The following EMSY variants were observed in gnomAD, a reference collection of about 807,000 sequenced individuals.
The protein encoded by EMSY is BRCA2-interacting transcriptional repressor EMSY.
Under a neutral mutation model 134.6 loss-of-function variants are expected in EMSY, and 26 were observed. The observed-to-expected ratio is 0.19, with a 90% CI of 0.14 to 0.27. The LOEUF (loss-of-function observed/expected upper bound fraction) is 0.27. Ranked by LOEUF, EMSY falls within the 10% of genes least tolerant of loss-of-function variation. EMSY has a pLI of 1.00. For synonymous variants in EMSY, 579 were observed against 577.8 expected (o/e 1.00, Z -0.03); for missense variants, 1,305 against 1,611.4 (o/e 0.81, Z 3.26).
At chr11:76,504,549 G>C (rs1950000162) in intron 9 of EMSY, among the ~76,000 whole-genome samples, 1 of 152,124 alleles carries the variant, frequency 6.6e-6, no homozygotes, top group Non-Finnish European at 1.5e-5. Context: ...CATGGATGTA[G>C]AGAAACAGGA....
intron 13 of EMSY, among the ~76,000 whole-genome samples, chr11:76,527,064 T>C (rs1424939887): frequency 6.6e-6 from 1 of 152,020 alleles, no homozygotes; most frequent in Non-Finnish European, 1.5e-5. Context: ...TAAGCTAGAG[T>C]TGTATTTATT....
intron 13 of EMSY, among the ~76,000 whole-genome samples, chr11:76,527,970 C>A (rs931750430): frequency 3.9e-5 from 6 of 151,970 alleles, no homozygotes; most frequent in Non-Finnish European, 8.8e-5. Context: ...TATCATTTTA[C>A]TATATAGTCT....
chr11:76,456,501 TATA>T (rs1213453036), intron 4 of EMSY, among the ~76,000 whole-genome samples: 3 of 152,208 alleles, frequency 2.0e-5, no homozygotes, highest in Non-Finnish European at 4.4e-5. Context: ...TTAGTGATAT[TATA>T]ATAAACTGAT....
At chr11:76,477,133 G>A (rs1291458965) in intron 8 of EMSY, among the ~76,000 whole-genome samples, 2 of 151,954 alleles carry the variant, frequency 1.3e-5, no homozygotes, top group East Asian at 3.9e-4. Flanking sequence ...GAACCAATAT[G>A]ATTATTGAAC....
chr11:76,482,575 A>AATCTTTC (rs1213852042), intron 8 of EMSY, among the ~76,000 whole-genome samples: 1 of 152,250 alleles, frequency 6.6e-6, no homozygotes, highest in Non-Finnish European at 1.5e-5. Context: ...TGGAGCTGAA[A>AATCTTTC]AACACAGCAC....
At chr11:76,466,116 C>G (rs995399649) in intron 7 of EMSY, among the ~76,000 whole-genome samples, 2 of 152,194 alleles carry the variant, frequency 1.3e-5, no homozygotes, top group African/African-American at 2.4e-5. Flanking sequence ...CCTGGCCCCC[C>G]AGATGTGCCT....
chr11:76,515,831 G>A (rs1463619574), intron 10 of EMSY, among the ~76,000 whole-genome samples: 3 of 152,144 alleles, frequency 2.0e-5, no homozygotes, highest in African/African-American at 7.2e-5. Flanking sequence ...GTTTCTTTTG[G>A]CATAAAACTA....
intron 9 of EMSY, 83 bp downstream of exon 10, chr11:76,496,552 G>A: frequency 2.7e-6 from 4 of 1,459,722 alleles, no homozygotes; most frequent in Non-Finnish European, 3.8e-6. Flanking sequence ...AACACGGTAT[G>A]TCTCTTCATT....
At chr11:76,546,016 C>T (rs147360415) in exon 20 of EMSY, 5 of 1,614,166 alleles carry the variant, frequency 3.1e-6, no homozygotes, top group Non-Finnish European at 4.2e-6. Context: ...AAATGTAGAA[C>T]ATATGATAGT....
At chr11:76,516,774 A>C (rs1950464238) in intron 11 of EMSY, 1 of 152,218 alleles carries the variant, frequency 6.6e-6, no homozygotes, top group South Asian at 2.1e-4. Context: ...GTTTTAGGGA[A>C]CATATCTCAT....
At chr11:76,544,551 A>G (rs1951570225) in exon 19 of EMSY, 1 of 1,614,022 alleles carries the variant, frequency 6.2e-7, no homozygotes, top group African/African-American at 1.3e-5. Context: ...TCCATCAGGC[A>G]TCAAAAACTC....
At chr11:76,445,563 G>T (rs1236545308) in intron 1 of EMSY, among the ~76,000 whole-genome samples, 2 of 152,074 alleles carry the variant, frequency 1.3e-5, no homozygotes, top group Non-Finnish European at 2.9e-5. Context: ...GGGAGTGCGT[G>T]TTTGGAGAGG....
chr11:76,470,941 A>G (rs994788630), intron 7 of EMSY, among the ~76,000 whole-genome samples: 1 of 152,108 alleles, frequency 6.6e-6, no homozygotes, highest in African/African-American at 2.4e-5. Context: ...TCACTAAATC[A>G]TCTACAGTTT....
intron 5 of EMSY, chr11:76,459,167 T>C (rs1167501325): frequency 1.3e-5 from 2 of 152,192 alleles, no homozygotes; most frequent in Non-Finnish European, 2.9e-5. Context: ...GTGGAAAGAA[T>C]ACAGAGTTTC....
intron 15 of EMSY, 121 bp from the exon 17 acceptor site, chr11:76,537,674 G>A (rs570822332): frequency 4.2e-5 from 34 of 814,192 alleles, no homozygotes; most frequent in Non-Finnish European, 5.7e-5. Context: ...TCAATTCACT[G>A]TCTACTTAGT....
At chr11:76,533,815 T>TA (rs1210966688) in intron 14 of EMSY, among the ~76,000 whole-genome samples, 1 of 152,190 alleles carries the variant, frequency 6.6e-6, no homozygotes, top group Non-Finnish European at 1.5e-5. Context: ...GCACACTGCA[T>TA]AAGCACATGT....
intron 20 of EMSY, among the ~76,000 whole-genome samples, chr11:76,546,823 T>A (rs1422541821): frequency 1.3e-5 from 2 of 152,224 alleles, no homozygotes; most frequent in African/African-American, 2.4e-5. Flanking sequence ...TCTAAGGTGA[T>A]ATTTTAAAAT....
intron 18 of EMSY, among the ~76,000 whole-genome samples, chr11:76,542,572 C>CT (rs1951479274): frequency 1.3e-5 from 2 of 152,158 alleles, no homozygotes; most frequent in South Asian, 4.2e-4. Context: ...TCTGTGAACT[C>CT]TTACCATTTC....
chr11:76,537,502 C>T (rs1023250593), intron 15 of EMSY, among the ~76,000 whole-genome samples: 4 of 152,062 alleles, frequency 2.6e-5, no homozygotes, highest in Non-Finnish European at 5.9e-5. Flanking sequence ...TAGGAAATAC[C>T]TTAAGGAGAG....
Sources: allele counts gnomAD v4.1 joint callset (sites outside exome capture counted in the v4.1 genomes callset), GRCh38; gene constraint gnomAD v4.1.1; transcripts MANE v1.5; gene names NCBI Gene and HGNC (gene_info 2026-07-23, HGNC 2026-07-21).